Variants in KPNB1 observed in about 807,000 individuals in gnomAD.
KPNB1 encodes karyopherin subunit beta 1.
Under a neutral mutation model 113.0 loss-of-function variants are expected in KPNB1, and 7 were observed. That is an observed-to-expected ratio of 0.06 (90% confidence interval 0.04 to 0.12). The LOEUF is 0.12. Among genes scored for constraint, KPNB1 ranks in the 10% least tolerant of loss-of-function variants. The pLI, the probability that KPNB1 is intolerant of heterozygous loss-of-function variation, is 1.00. For synonymous variants in KPNB1, 363 were observed against 378.6 expected (o/e 0.96, Z 0.48); for missense variants, 400 against 1,054.8 (o/e 0.38, Z 8.60).
intron 15 of KPNB1, among the ~76,000 whole-genome samples, chr17:47,675,372 G>GTTTTTTTTTTTTTTTTTTTT (rs755565036): frequency 3.5e-5 from 3 of 86,072 alleles, no homozygotes; most frequent in Middle Eastern, 5.3e-3. Context: ...TTTTTTTTTT[G>GTTTTTTTTTTTTTTTTTTTT]TTTTTTTTTT....
At chr17:47,666,892 C>T (rs1044976958) in intron 9 of KPNB1, among the ~76,000 whole-genome samples, 2 of 151,982 alleles carry the variant, frequency 1.3e-5, no homozygotes, top group African/African-American at 4.8e-5. Flanking sequence ...GCTGGGATTA[C>T]AGGCATGAGC....
Position 47,663,140 on chromosome 17 carries a change from C to G in KPNB1, c.748C>G (p.Gln250Glu), listed in dbSNP as rs140578762. ...NLVKIMSLYY[Q>E]YMETYMGPAL... is the part of the protein sequence containing the mutation. Reference sequence around the variant, plus strand: ...GGTGAAGATAATGTCCTTATATTATCAGTACATGGAGACATATATGGGTCC... The same window carrying G: ...GGTGAAGATAATGTCCTTATATTATGAGTACATGGAGACATATATGGGTCC... Residue 250 changes from glutamine to glutamate, a missense_variant, in exon 7 of 22, where the codon CAG becomes GAG. Coordinates refer to ENST00000290158, the MANE Select transcript of KPNB1 (RefSeq NM_002265.6). The G allele has an allele frequency of 3.8e-5, 60 of 1,597,002 alleles. No individual in the cohort carries two copies. The highest frequency in any genetic ancestry group is 6.7e-5 in the Admixed American group (4 of 59,964).
Position 47,684,611 on chromosome 17 carries a change from T to C in KPNB1, c.*2207T>C, listed in dbSNP as rs2030888524. On this transcript the variant is annotated 3_prime_UTR_variant, in exon 22 of 22. Transcript: ENST00000290158. The stretch of plus-strand genomic sequence containing the variant: ...CTCAGTGCTACCCATTTCTGTCCTG[T>C]GTGGGCTGCTTAGCTAGACAGCAGG... The C allele has an allele frequency of 6.6e-6, 1 of 152,494 alleles. No individual in the cohort carries two copies. Among genetic ancestry groups the C allele is most frequent in the African/African-American group, 2.4e-5 (1 of 41,392 alleles). 9.4% of individuals were successfully genotyped at this position (152,494 alleles called of 1,614,324 possible). A position where few individuals can be genotyped will look rare whatever the true frequency, so the allele number is the denominator to read the frequency against.
intron 17 of KPNB1, among the ~76,000 whole-genome samples, chr17:47,677,472 C>CA (rs746941632): frequency 0.054 from 2,722 of 50,642 alleles, 109 homozygotes; most frequent in African/African-American, 0.13. Context: ...AACTCCGTCT[C>CA]AAAAAAAAAA....
intron 3 of KPNB1, among the ~76,000 whole-genome samples, chr17:47,655,888 T>A (rs1054538521): frequency 6.6e-6 from 1 of 152,144 alleles, no homozygotes; most frequent in African/African-American, 2.4e-5. Flanking sequence ...TCTAGGGCAG[T>A]GTTGATTATG....
At chr17:47,661,027 A>G (rs1597926809) in intron 5 of KPNB1, 92 bp from the exon 6 acceptor site, 8 of 918,486 alleles carry the variant, frequency 8.7e-6, no homozygotes, top group Non-Finnish European at 5.3e-6. Context: ...CCTGAGGGGG[A>G]GTGAGAGGTT....
intron 19 of KPNB1, 197 bp downstream of exon 19, chr17:47,678,610 T>C: frequency 1.8e-6 from 1 of 562,408 alleles, no homozygotes; most frequent in Admixed American, 3.1e-5. Flanking sequence ...TGCTTCTTCT[T>C]TCTTTTTTTT....
chr17:47,681,267 T>TC lies in KPNB1; in HGVS notation c.2630+598_2630+599insC, dbSNP rs1304414047. Among the ~76,000 whole-genome samples the TC allele has an allele frequency of 5.5e-5, 8 of 145,332 alleles. No individual in the cohort carries two copies. In the East Asian group the frequency reaches 7.9e-4, roughly 14 times the overall value. ...TTTTTTTCTTTTCTTTTCTTCTTCT[T>TC]TTTTTTTTTTTTTTTCTTTTGGAGA... On this transcript the variant is annotated intron_variant, in intron 21 of 21. Transcript: ENST00000290158.
Position 47,673,124 on chromosome 17 carries a change from T to G in KPNB1, c.1654T>G (p.Leu552Val), listed in dbSNP as rs2030498370. The G allele has an allele frequency of 6.2e-7, 1 of 1,614,020 alleles. No individual in the cohort carries two copies. The highest frequency in any genetic ancestry group is 1.3e-5 in the African/African-American group (1 of 74,908). Residue 552 changes from leucine (L) to valine (V), a missense_variant, in exon 13 of 22, where the codon TTG (leucine) becomes GTG (valine). By Grantham distance (32) the Leu-to-Val change is conservative. Around this residue, in one of 2 missense-constraint regions of KPNB1, gnomAD observed 115 missense variants for 427.9 expected, o/e 0.27. Transcript: ENST00000290158. ...DCYPAVQKTT[L>V]VIMERLQQVL... Reference sequence around the variant, plus strand: ...TTATCCTGCTGTCCAGAAAACGACTTTGGTCATCATGGAACGACTGCAACA... The same window carrying G: ...TTATCCTGCTGTCCAGAAAACGACTGTGGTCATCATGGAACGACTGCAACA...
intron 15 of KPNB1, 79 bp from the exon 16 acceptor site, chr17:47,676,330 G>A: frequency 1.0e-6 from 1 of 960,090 alleles, no homozygotes; most frequent in Non-Finnish European, 1.7e-6. Context: ...CATTTTGGGA[G>A]AGGTAGGATG....
chr17:47,649,968 C>A lies in KPNB1; in HGVS notation c.-277C>A. 5 of 1,325,116 alleles carry A rather than the reference C, an allele frequency of 3.8e-6. No individual in the cohort carries two copies. The highest frequency in any genetic ancestry group is 4.8e-6 in the Non-Finnish European group (5 of 1,042,098). 82.1% of individuals were successfully genotyped at this position (1,325,116 alleles called of 1,614,324 possible). On this transcript the variant is annotated 5_prime_UTR_variant, in exon 1 of 22. Coordinates refer to ENST00000290158, the MANE Select transcript of KPNB1 (RefSeq NM_002265.6). ...TCACAGCCTCCCTTCCTTCTTTCTC[C>A]CTCCGCCTCCCGAGCACCAGCGCGC...
At position 47,650,274 on chromosome 17, in the gene KPNB1, C is replaced by A. The variant is rs1442535465; in HGVS notation, c.30C>A (p.Thr10=). Residue 10 remains threonine (T), a synonymous_variant, in exon 1 of 22, where the codon ACC becomes ACA. Transcript: ENST00000290158. ...AGCTGATCACCATTCTCGAGAAGAC[C>A]GTGTCTCCCGGTAGGACGCAGGAGC... MELITILEK[T]VSPDRLELEA... 6.2e-6 allele frequency: 10 copies of A among 1,603,694 alleles called. No homozygotes were observed. The highest frequency in any genetic ancestry group is 8.5e-6 in the Non-Finnish European group (10 of 1,175,214).
intron 15 of KPNB1, among the ~76,000 whole-genome samples, chr17:47,675,361 G>GTTGTTTTTTT (rs1567894260): frequency 7.9e-5 from 7 of 88,690 alleles, no homozygotes; most frequent in Non-Finnish European, 1.2e-4. Context: ...CAGAGGTGTT[G>GTTGTTTTTTT]TTTTTTTTTT....
intron 3 of KPNB1, among the ~76,000 whole-genome samples, chr17:47,656,367 A>G (rs1406318364): frequency 1.3e-5 from 2 of 152,122 alleles, no homozygotes; most frequent in Admixed American, 6.5e-5. Flanking sequence ...CAACATAGGG[A>G]GACCCCCATC....
At chr17:47,659,603 GAGA>G (rs1343678568) in intron 5 of KPNB1, among the ~76,000 whole-genome samples, 7 of 152,102 alleles carry the variant, frequency 4.6e-5, no homozygotes, top group African/African-American at 1.2e-4. Context: ...AATTTCTGTG[GAGA>G]AGAACAACTG....
intron 19 of KPNB1, 38 bp from the exon 20 acceptor site, chr17:47,679,982 C>A: frequency 7.1e-7 from 1 of 1,399,388 alleles, no homozygotes; most frequent in Non-Finnish European, 1.0e-6. Flanking sequence ...CAGGCATGAG[C>A]CACCGCACCC....
intron 2 of KPNB1, chr17:47,651,498 T>G (rs1326206453): frequency 3.1e-6 from 1 of 320,254 alleles, no homozygotes; most frequent in Non-Finnish European, 4.5e-6. Flanking sequence ...GAATGATTTT[T>G]TTGTTGTTTT....
chr17:47,679,878 T>C (rs1417948142), intron 19 of KPNB1, 142 bp from the exon 20 acceptor site: 1 of 582,418 alleles, frequency 1.7e-6, no homozygotes, highest in East Asian at 2.9e-5. Context: ...TTTGTATTTT[T>C]AGTAGAGACG....
At chr17:47,651,287 T>TCTAG in intron 2 of KPNB1, 2 of 985,230 alleles carry the variant, frequency 2.0e-6, no homozygotes, top group Non-Finnish European at 2.4e-6. Context: ...ACAGCCTAGA[T>TCTAG]GCCAGTTAAG....
Sources: allele counts gnomAD v4.1 joint callset (sites outside exome capture counted in the v4.1 genomes callset), GRCh38; gene constraint gnomAD v4.1.1; regional missense constraint gnomAD v4.1.1; transcripts MANE v1.5; gene names NCBI Gene and HGNC (gene_info 2026-07-23, HGNC 2026-07-21).